Variants in TMED8 observed in about 807,000 individuals in gnomAD.
The protein encoded by TMED8 is transmembrane p24 trafficking protein family member 8.
Under a neutral mutation model 32.7 loss-of-function variants are expected in TMED8, and 15 were observed. The ratio of observed to expected loss-of-function variants is 0.46; its 90% CI spans 0.31 to 0.71. TMED8 has a LOEUF of 0.71. TMED8 is among the 30% of genes least tolerant of loss of function. The probability of loss-of-function intolerance (pLI) is 0.06; values close to 1 mark genes in which losing one functional copy is unlikely to be tolerated. For synonymous variants in TMED8, 147 were observed against 161.4 expected (o/e 0.91, Z 0.68); for missense variants, 390 against 423.9 (o/e 0.92, Z 0.70).
intron 1 of TMED8, among the ~76,000 whole-genome samples, chr14:77,372,931 TA>T (rs1893713881): frequency 6.0e-5 from 2 of 33,584 alleles, no homozygotes; most frequent in African/African-American, 1.9e-4. Flanking sequence ...TATATATATA[TA>T]TATATATATA....
rs1271796105 is a variant in TMED8 at position 77,336,960 on chromosome 14, T to C, written c.*4811A>G. On this transcript the variant is annotated 3_prime_UTR_variant, in exon 6 of 6. Coordinates refer to ENST00000216468, the MANE Select transcript of TMED8 (RefSeq NM_213601.3). ...TCATATTCCCTACAGATTAAGACTT[T>C]TTATGATAATACCTAATTCTACTGC... 6.6e-6 allele frequency: 1 copy of C among 152,162 alleles called. No individual in the cohort carries two copies. The highest frequency in any genetic ancestry group is 1.9e-4 in the East Asian group (1 of 5,198). The allele number at this position is 152,162 out of a possible 1,614,324, so 9.4% of individuals were successfully genotyped here. A position where few individuals can be genotyped will look rare whatever the true frequency, so the allele number is the denominator to read the frequency against.
chr14:77,353,439 G>GTTTTT (rs71303874), intron 1 of TMED8, among the ~76,000 whole-genome samples: 1 of 127,522 alleles, frequency 7.8e-6, no homozygotes, highest in African/African-American at 2.9e-5. Context: ...TCTTTTCTTT[G>GTTTTT]TTTTTTTTTT....
chr14:77,346,623 C>T (rs1018746702), intron 2 of TMED8, 145 bp from the exon 3 acceptor site: 56 of 1,021,514 alleles, frequency 5.5e-5, no homozygotes, highest in Admixed American at 8.4e-5. Flanking sequence ...TCACCTTAGC[C>T]GACCACTGCC....
chr14:77,355,305 C>T (rs951755676), intron 1 of TMED8, among the ~76,000 whole-genome samples: 1 of 151,858 alleles, frequency 6.6e-6, no homozygotes, highest in African/African-American at 2.4e-5. Flanking sequence ...AGCGATTCTC[C>T]TGCCTCAGCC....
intron 1 of TMED8, among the ~76,000 whole-genome samples, chr14:77,375,015 C>T (rs12887558): frequency 0.23 from 34,467 of 152,096 alleles, 4,089 homozygotes; most frequent in Admixed American, 0.29. Flanking sequence ...GGTAAGTTAA[C>T]CTTTCTCAGC....
At chr14:77,356,560 G>C (rs1352411855) in intron 1 of TMED8, among the ~76,000 whole-genome samples, 1 of 152,120 alleles carries the variant, frequency 6.6e-6, no homozygotes, top group African/African-American at 2.4e-5. Context: ...ACAAAGCCCA[G>C]ACATCATTGT....
Position 77,373,313 on chromosome 14 carries a change from C to A in TMED8, c.118+3623G>T, listed in dbSNP as rs539414291. On this transcript the variant is annotated intron_variant, in intron 1 of 5. Coordinates refer to ENST00000216468, the MANE Select transcript of TMED8 (RefSeq NM_213601.3). The stretch of plus-strand genomic sequence containing the variant: ...TTTTCCTTTAAACTTAAAAAAAAAA[C>A]AAAAACAAAAACAAAAAAACCTGCC... Among the ~76,000 whole-genome samples the A allele has an allele frequency of 7.4e-3, 1,105 of 148,806 alleles. 16 individuals carry two copies. Among genetic ancestry groups the A allele is most frequent in the African/African-American group, 0.025 (1,026 of 40,572 alleles).
intron 1 of TMED8, among the ~76,000 whole-genome samples, chr14:77,366,121 G>A (rs1315428239): frequency 6.6e-6 from 1 of 152,168 alleles, no homozygotes; most frequent in Non-Finnish European, 1.5e-5. Context: ...TTTCCCTTCA[G>A]GATAACTAGG....
In TMED8 at chr14:77,343,407, T is replaced by C. The variant is rs1892953113; in HGVS notation, c.531A>G (p.Lys177=). 2 of 1,614,022 alleles carry C rather than the reference T, an allele frequency of 1.2e-6. No homozygotes were observed. Among genetic ancestry groups the C allele is most frequent in the African/African-American group, 1.3e-5 (1 of 75,054 alleles). The change falls in exon 5 of 6, where the codon AAA becomes AAG. Residue 177 remains lysine (K), a synonymous_variant. Transcript: ENST00000216468. ...TCACCACCAGACGGCTGTTCTTCTCTTTGCCCAGCTTGCTTTTGAATTCCT... is the reference window on the plus strand; with the variant it reads ...TCACCACCAGACGGCTGTTCTTCTCCTTGCCCAGCTTGCTTTTGAATTCCT... ...KVKEFKSKLG[K]EKNSRLVVKR... is the part of the protein sequence containing the mutation.
chr14:77,339,450 A>G lies in TMED8; in HGVS notation c.*2321T>C, dbSNP rs1892840914. 1 of 152,230 alleles carries G rather than the reference A, an allele frequency of 6.6e-6. No individual in the cohort carries two copies. Among genetic ancestry groups the G allele is most frequent in the South Asian group, 2.1e-4 (1 of 4,836 alleles). The allele number at this position is 152,230 out of a possible 1,614,324, so 9.4% of individuals were successfully genotyped here. A position where few individuals can be genotyped will look rare whatever the true frequency, so the allele number is the denominator to read the frequency against. ...GTGAAAATAAATAATAACAAGTGTT[A>G]TCCTTGGGAGCTTGCTGTGTATGGC... On this transcript the variant is annotated 3_prime_UTR_variant, in exon 6 of 6. Transcript: ENST00000216468.
At position 77,376,944 on chromosome 14, in the gene TMED8, G is replaced by T; in HGVS notation, c.110C>A (p.Ala37Asp). The T allele has an allele frequency of 6.9e-7, 1 of 1,453,638 alleles. No individual in the cohort carries two copies. Among genetic ancestry groups the T allele is most frequent in the Non-Finnish European group, 9.0e-7 (1 of 1,110,032 alleles). The allele number at this position is 1,453,638 out of a possible 1,614,324, so 90.0% of individuals were successfully genotyped here. A position where few individuals can be genotyped will look rare whatever the true frequency, so the allele number is the denominator to read the frequency against. ...DCQGVEGSQA[A>D]ASENEDLENK... ...GCCCCGGCCTTGCGTACCTGAGGCG[G>T]CCGCCTGGCTCCCCTCCACTCCCTG... Residue 37 changes from alanine (A) to aspartate (D), a missense_variant, in exon 1 of 6, where the codon GCC becomes GAC. Transcript: ENST00000216468. This position sits in a 1 kb window ranked among gnomAD's most constrained non-coding sequence, Gnocchi z 4.0.
rs1465892776 is a variant in TMED8 at position 77,376,909 on chromosome 14, ACCCGCCAGCGC to A, written c.118+16_118+26del. On this transcript the variant is annotated intron_variant, in intron 1 of 5. Coordinates refer to ENST00000216468, the MANE Select transcript of TMED8 (RefSeq NM_213601.3). This position sits in a 1 kb window ranked among gnomAD's most constrained non-coding sequence, Gnocchi z 4.0. ...GGGGCCCTGAGGCCGGGCGGCACCC[ACCCGCCAGCGC>A]CCCGGCCTTGCGTACCTGAGGCGGC... 58 of 1,351,708 alleles carry A rather than the reference ACCCGCCAGCGC, an allele frequency of 4.3e-5. No individual in the cohort carries two copies. The highest frequency in any genetic ancestry group is 5.6e-5 in the Non-Finnish European group (58 of 1,033,896). 83.7% of individuals were successfully genotyped at this position (1,351,708 alleles called of 1,614,324 possible).
rs774060958 is a variant in TMED8 at position 77,343,312 on chromosome 14, G to A, written c.626C>T (p.Ala209Val). The change falls in exon 5 of 6, where the codon GCG (alanine) becomes GTG (valine). Residue 209 changes from alanine to valine, a missense_variant. By Grantham distance (64) the Ala-to-Val change is moderately conservative. Transcript: ENST00000216468. ...AAAGCCAATGTCATAGTCATCGGTC[G>A]CAAACTCCCAGCAGACACGCTTCCC... ...PEGKRVCWEF[A>V]TDDYDIGFGV... 13 of 1,614,138 alleles carry A rather than the reference G, an allele frequency of 8.1e-6. No homozygotes were observed. Among genetic ancestry groups the A allele is most frequent in the Admixed American group, 3.3e-5 (2 of 60,022 alleles).
At chr14:77,370,817 T>C (rs115009678) in intron 1 of TMED8, among the ~76,000 whole-genome samples, 2,396 of 151,930 alleles carry the variant, frequency 0.016, 58 homozygotes, top group African/African-American at 0.054. Flanking sequence ...GGCGTGGTGG[T>C]GCGTGCCTGT....
intron 1 of TMED8, among the ~76,000 whole-genome samples, chr14:77,362,810 A>C (rs764127016): frequency 6.6e-6 from 1 of 152,234 alleles, no homozygotes; most frequent in Non-Finnish European, 1.5e-5. Flanking sequence ...GTAAACAGTA[A>C]CCAAGAAAGA....
chr14:77,343,784 C>A lies in TMED8; in HGVS notation c.367G>T (p.Val123Phe), dbSNP rs1185254271. The change falls in exon 4 of 6, where the codon GTT (valine) becomes TTT (phenylalanine). Residue 123 changes from valine (V) to phenylalanine (F), a missense_variant. Transcript: ENST00000216468. ...YQVPQRSGDI[V>F]MIQSEHTGAI... ...CCTGTATGTTCAGACTGGATCATAA[C>A]GATGTCCCCAGACCTCTGTGGAACT... 1 of 1,614,020 alleles carries A rather than the reference C, an allele frequency of 6.2e-7. No individual in the cohort carries two copies. The highest frequency in any genetic ancestry group is 1.3e-5 in the African/African-American group (1 of 74,922).
intron 2 of TMED8, among the ~76,000 whole-genome samples, chr14:77,350,164 G>A (rs1259915499): frequency 6.6e-6 from 1 of 151,808 alleles, no homozygotes; most frequent in African/African-American, 2.4e-5. Context: ...CAGGTTTTTG[G>A]TATCCCAGTT....
At position 77,376,931 on chromosome 14, in the gene TMED8, C is replaced by A; in HGVS notation, c.118+5G>T. 3 of 1,442,312 alleles carry A rather than the reference C, an allele frequency of 2.1e-6. No individual in the cohort carries two copies. The highest frequency in any genetic ancestry group is 3.0e-5 in the East Asian group (1 of 32,854). 89.3% of individuals were successfully genotyped at this position (1,442,312 alleles called of 1,614,324 possible). A position where few individuals can be genotyped will look rare whatever the true frequency, so the allele number is the denominator to read the frequency against. On this transcript the variant is annotated splice_donor_5th_base_variant and intron_variant, in intron 1 of 5. Transcript: ENST00000216468. This position sits in a 1 kb window ranked among gnomAD's most constrained non-coding sequence, Gnocchi z 4.0. Reference sequence around the variant, plus strand: ...CCCACCCGCCAGCGCCCCGGCCTTGCGTACCTGAGGCGGCCGCCTGGCTCC... The same window carrying A: ...CCCACCCGCCAGCGCCCCGGCCTTGAGTACCTGAGGCGGCCGCCTGGCTCC...
chr14:77,342,054 A>G, intron 5 of TMED8, 66 bp from the exon 6 acceptor site: 1 of 1,431,304 alleles, frequency 7.0e-7, no homozygotes, highest in Non-Finnish European at 9.7e-7. Flanking sequence ...GAGCGGAAGG[A>G]CCAGGTGACC....
Sources: gnomAD v4.1 joint callset for allele counts (sites outside exome capture counted in the v4.1 genomes callset) on GRCh38, gnomAD v4.1.1 for gene constraint, Gnocchi (gnomAD v3.1) non-coding constraint, MANE v1.5 for transcripts, NCBI Gene and HGNC (gene_info 2026-07-23, HGNC 2026-07-21) for gene names.